The following SPOCK1 variants were observed in gnomAD, a reference collection of about 807,000 sequenced individuals.
The protein encoded by SPOCK1 is testican-1.
A neutral mutation model predicts 55.3 loss-of-function variants in SPOCK1; 23 were observed. The observed-to-expected ratio is 0.42, with a 90% confidence interval of 0.30 to 0.59. The LOEUF (loss-of-function observed/expected upper bound fraction) is 0.59, where lower values mean the gene tolerates loss of function less well. SPOCK1 is among the 20% of genes least tolerant of loss of function. SPOCK1 has a pLI of 0.22. For missense variants in SPOCK1, 499 were observed against 552.5 expected, an observed-to-expected ratio of 0.90 and a Z score of 0.97; for synonymous variants, 226 against 221.0, an observed-to-expected ratio of 1.02 and a Z score of -0.20.
chr5:136,986,736 T>C (rs1750849847), intron 8 of SPOCK1, among the ~76,000 whole-genome samples: 1 of 147,282 alleles, frequency 6.8e-6, no homozygotes, highest in African/African-American at 2.6e-5. Context: ...CAATAATAAA[T>C]ACAAGGGAAG....
At chr5:137,010,976 C>T (rs1751337166) in intron 6 of SPOCK1, among the ~76,000 whole-genome samples, 1 of 152,184 alleles carries the variant, frequency 6.6e-6, no homozygotes, top group South Asian at 2.1e-4. Flanking sequence ...ACTGGCTTCT[C>T]ATTCCTGTCT....
chr5:137,196,600 C>T lies in SPOCK1; in HGVS notation c.233-55906G>A, dbSNP rs534501520. Among the ~76,000 whole-genome samples, 4 of 152,386 alleles carry T rather than the reference C, an allele frequency of 2.6e-5. No homozygotes were observed. The East Asian group carries it at 7.7e-4, about 29-fold the overall frequency. Reference sequence around the variant, plus strand: ...TAACCTATTTAGCTCCTTCAAGTCTCAGCTCGAATGCCACTTCCTCAAGGA... The same window carrying T: ...TAACCTATTTAGCTCCTTCAAGTCTTAGCTCGAATGCCACTTCCTCAAGGA... On this transcript the variant is annotated intron_variant, in intron 3 of 10. Transcript: ENST00000394945.
At chr5:137,131,257 T>G (rs1753870245) in intron 4 of SPOCK1, among the ~76,000 whole-genome samples, 1 of 152,154 alleles carries the variant, frequency 6.6e-6, no homozygotes, top group South Asian at 2.1e-4. Flanking sequence ...GGAAAGTGAT[T>G]AAAGAAAAAT....
intron 2 of SPOCK1, among the ~76,000 whole-genome samples, chr5:137,333,925 C>T (rs1199456037): frequency 6.6e-6 from 1 of 152,182 alleles, no homozygotes; most frequent in Non-Finnish European, 1.5e-5. Context: ...CAAAAACAAT[C>T]ATGAGTTGGA....
chr5:137,221,234 C>T (rs1214712774), intron 3 of SPOCK1, among the ~76,000 whole-genome samples: 1 of 152,060 alleles, frequency 6.6e-6, no homozygotes, highest in East Asian at 1.9e-4. Context: ...AATGTCTGTC[C>T]ATCCTAAGGT....
At chr5:137,313,335 T>C (rs984367703) in intron 2 of SPOCK1, 35 of 808,846 alleles carry the variant, frequency 4.3e-5, no homozygotes, top group Non-Finnish European at 5.1e-5. Flanking sequence ...AGGGATGAGG[T>C]ATGGGCACAC....
intron 2 of SPOCK1, among the ~76,000 whole-genome samples, chr5:137,409,815 C>G (rs187428222): frequency 6.6e-6 from 1 of 152,302 alleles, no homozygotes; most frequent in East Asian, 1.9e-4. Flanking sequence ...CATTTGACAG[C>G]TATTATATGC....
intron 2 of SPOCK1, among the ~76,000 whole-genome samples, chr5:137,497,180 C>T (rs1208553638): frequency 6.6e-6 from 1 of 152,202 alleles, no homozygotes; most frequent in African/African-American, 2.4e-5. Flanking sequence ...GTGGAGGAAG[C>T]TGATCCCCAT....
intron 2 of SPOCK1, among the ~76,000 whole-genome samples, chr5:137,390,766 T>C (rs1342596177): frequency 1.3e-5 from 2 of 152,236 alleles, no homozygotes; most frequent in Non-Finnish European, 2.9e-5. Context: ...GGGCCAGCAC[T>C]TCCAGAGGAG....
intron 5 of SPOCK1, among the ~76,000 whole-genome samples, chr5:137,084,442 G>C (rs1451478466): frequency 6.6e-6 from 1 of 151,980 alleles, no homozygotes; most frequent in Non-Finnish European, 1.5e-5. Context: ...GCCAGACTGA[G>C]CTCCAGGAGG....
chr5:137,272,338 AAAAGTGAG>A (rs1756979891), intron 2 of SPOCK1, among the ~76,000 whole-genome samples: 1 of 152,228 alleles, frequency 6.6e-6, no homozygotes, highest in Non-Finnish European at 1.5e-5. Context: ...AAGTCACCAG[AAAAGTGAG>A]ATTTCCAGAC....
At chr5:137,136,145 C>T (rs764606313) in intron 4 of SPOCK1, among the ~76,000 whole-genome samples, 1 of 152,034 alleles carries the variant, frequency 6.6e-6, no homozygotes, top group Admixed American at 6.5e-5. Flanking sequence ...CTTTTTGTGT[C>T]CTACTTAAGA....
chr5:137,310,899 A>G (rs752423323), intron 2 of SPOCK1, among the ~76,000 whole-genome samples: 33 of 152,230 alleles, frequency 2.2e-4, no homozygotes, highest in Non-Finnish European at 3.2e-4. Context: ...AGATGCAGGT[A>G]ACACACAGCT....
intron 6 of SPOCK1, among the ~76,000 whole-genome samples, chr5:137,065,970 A>T (rs910483894): frequency 6.6e-6 from 1 of 152,156 alleles, no homozygotes; most frequent in Non-Finnish European, 1.5e-5. Context: ...TTAAATATGA[A>T]GCCCATCATT....
chr5:136,983,528 G>A (rs531710361), intron 9 of SPOCK1, among the ~76,000 whole-genome samples: 5 of 151,422 alleles, frequency 3.3e-5, no homozygotes, highest in South Asian at 2.1e-4. Flanking sequence ...ATGTAGATGC[G>A]GTCAGTAGCC....
chr5:137,146,834 G>T (rs1041176181), intron 3 of SPOCK1, among the ~76,000 whole-genome samples: 4 of 152,156 alleles, frequency 2.6e-5, no homozygotes, highest in Non-Finnish European at 4.4e-5. Context: ...CAAACAAAGG[G>T]CCTATTAGAC....
intron 5 of SPOCK1, among the ~76,000 whole-genome samples, chr5:137,099,591 T>C (rs1054711650): frequency 6.6e-6 from 1 of 151,974 alleles, no homozygotes; most frequent in African/African-American, 2.4e-5. Context: ...TATATATATA[T>C]ATGTACACAT....
At chr5:137,335,757 C>G (rs973428990) in intron 2 of SPOCK1, among the ~76,000 whole-genome samples, 8 of 152,224 alleles carry the variant, frequency 5.3e-5, no homozygotes, top group African/African-American at 1.7e-4. Context: ...AATTAACTTG[C>G]ATATTGCATG....
chr5:137,025,749 C>A (rs775371760), intron 6 of SPOCK1, among the ~76,000 whole-genome samples: 2 of 152,072 alleles, frequency 1.3e-5, no homozygotes, highest in Non-Finnish European at 2.9e-5. Context: ...ACAAAGGGTA[C>A]CATGAAATAA....
Sources: gnomAD v4.1 joint callset for allele counts (sites outside exome capture counted in the v4.1 genomes callset) on GRCh38, gnomAD v4.1.1 for gene constraint, MANE v1.5 for transcripts, NCBI Gene and HGNC (gene_info 2026-07-23, HGNC 2026-07-21) for gene names.